VAV2: variants seen among roughly 807,000 people sequenced by gnomAD.
The protein encoded by VAV2 is vav guanine nucleotide exchange factor 2, also known as guanine nucleotide exchange factor VAV2.
A neutral mutation model predicts 132.5 loss-of-function variants in VAV2; 67 were observed. The observed-to-expected ratio is 0.51, with a 90% CI of 0.42 to 0.62. The LOEUF is 0.62. Among genes scored for constraint, VAV2 ranks in the 20% least tolerant of loss-of-function variants. The pLI is 0.00. For missense variants in VAV2, 938 were observed against 1,153.6 expected, an observed-to-expected ratio of 0.81 and a Z score of 2.71; for synonymous variants, 492 against 443.5, an observed-to-expected ratio of 1.11 and a Z score of -1.37.
chr9:133,887,899 C>A (rs774678076), intron 2 of VAV2, among the ~76,000 whole-genome samples: 1 of 152,152 alleles, frequency 6.6e-6, no homozygotes, highest in Admixed American at 6.5e-5. Flanking sequence ...AAAGACGAGG[C>A]GCATTCACAG....
Position 133,857,482 on chromosome 9 carries a change from G to A in VAV2, c.380+3892C>T, listed in dbSNP as rs899414425. Among the ~76,000 whole-genome samples, 6 of 152,220 alleles carry A rather than the reference G, an allele frequency of 3.9e-5. No individual in the cohort carries two copies. The highest frequency in any genetic ancestry group is 2.1e-4 in the South Asian group (1 of 4,826). The stretch of plus-strand genomic sequence containing the variant: ...TGAAAATGATTTTTTGAAGGAGCAC[G>A]TTGGGCTCCTACCCAGCCATGAAAT... On this transcript the variant is annotated intron_variant, in intron 3 of 29. Transcript: ENST00000371850. This position sits in a 1 kb window ranked among gnomAD's most constrained non-coding sequence, Gnocchi z 4.0.
chr9:133,846,433 T>C (rs1836938075), intron 3 of VAV2, among the ~76,000 whole-genome samples: 1 of 152,178 alleles, frequency 6.6e-6, no homozygotes, highest in Non-Finnish European at 1.5e-5. Flanking sequence ...GCCTCCACTC[T>C]GGAGCCCCTT....
At chr9:133,904,115 G>A (rs536423384) in intron 2 of VAV2, among the ~76,000 whole-genome samples, 70 of 152,272 alleles carry the variant, frequency 4.6e-4, no homozygotes, top group African/African-American at 1.6e-3. Flanking sequence ...GGTAAATTCT[G>A]TGCCCCAAAT....
In VAV2 at chr9:133,942,765, G is replaced by A. The variant is rs565162432; in HGVS notation, c.205-3546C>T. Among the ~76,000 whole-genome samples, 50 of 152,132 alleles carry A rather than the reference G, an allele frequency of 3.3e-4. No homozygotes were observed. The South Asian group carries it at 3.3e-3, about 10-fold the overall frequency. On this transcript the variant is annotated intron_variant, in intron 1 of 29. Coordinates refer to ENST00000371850, the MANE Select transcript of VAV2 (RefSeq NM_001134398.2). The stretch of plus-strand genomic sequence containing the variant: ...TGCTGTGCCTGGCCCGGCCCCACCC[G>A]TGGCCACTCTGGCCACCCTAACCTT...
At chr9:133,796,622 G>A (rs925304159) in intron 10 of VAV2, 98 bp from the exon 11 acceptor site, 54 of 1,112,832 alleles carry the variant, frequency 4.9e-5, no homozygotes, top group Non-Finnish European at 6.4e-5. Flanking sequence ...CCTAAGCCCA[G>A]AACTCAGGCC....
chr9:133,821,118 C>T (rs1004825374), intron 4 of VAV2, among the ~76,000 whole-genome samples: 2 of 152,244 alleles, frequency 1.3e-5, no homozygotes, highest in Non-Finnish European at 2.9e-5. Context: ...TCTCCTGTGG[C>T]TCTGTGGCAG....
At position 133,834,129 on chromosome 9, in the gene VAV2, T is replaced by C. The variant is rs898728734; in HGVS notation, c.449+143A>G. The C allele has an allele frequency of 9.0e-6, 8 of 890,478 alleles. No individual in the cohort carries two copies. In the Middle Eastern group the frequency reaches 8.9e-4, roughly 99 times the overall value. 55.2% of individuals were successfully genotyped at this position (890,478 alleles called of 1,614,324 possible). On this transcript the variant is annotated intron_variant, in intron 4 of 29. Coordinates refer to ENST00000371850, the MANE Select transcript of VAV2 (RefSeq NM_001134398.2). This position sits in a 1 kb window ranked among gnomAD's most constrained non-coding sequence, Gnocchi z 5.9. ...CGGAAGCCCACACCATGACCCATCA[T>C]GAGGAGATGCCCCGGTGGGAAGGGC...
At chr9:133,901,179 T>C (rs996773145) in intron 2 of VAV2, among the ~76,000 whole-genome samples, 2 of 152,168 alleles carry the variant, frequency 1.3e-5, no homozygotes, top group Non-Finnish European at 2.9e-5. Flanking sequence ...TTGAAAACCA[T>C]GGCCCAGTTT....
intron 2 of VAV2, among the ~76,000 whole-genome samples, chr9:133,897,430 G>A (rs569330237): frequency 4.6e-5 from 7 of 152,236 alleles, no homozygotes; most frequent in African/African-American, 1.4e-4. Context: ...CATCCCTCAA[G>A]ACATCTTCCA....
rs867319456 is a variant in VAV2, at chr9:133,941,616, G to C, written c.205-2397C>G. Among the ~76,000 whole-genome samples the C allele has an allele frequency of 6.7e-3, 1,002 of 149,494 alleles. 29 individuals are homozygous for C. Among genetic ancestry groups the C allele is most frequent in the African/African-American group, 0.022 (912 of 40,648 alleles). Reference sequence around the variant, plus strand: ...GTGAGTCCACTTTTTTTTGGGGGGGGGGGGGGACGGAATTTCGCCCTTGTT... The same window carrying C: ...GTGAGTCCACTTTTTTTTGGGGGGGCGGGGGGACGGAATTTCGCCCTTGTT... On this transcript the variant is annotated intron_variant, in intron 1 of 29. Transcript: ENST00000371850.
chr9:133,798,632 CCCA>C (rs1193222934), intron 9 of VAV2, among the ~76,000 whole-genome samples: 1 of 152,182 alleles, frequency 6.6e-6, no homozygotes, highest in East Asian at 1.9e-4. Context: ...ACCCCATAAC[CCCA>C]CCGACAGGGC....
chr9:133,861,506 G>A, intron 2 of VAV2, 74 bp from the exon 3 acceptor site: 1 of 1,546,144 alleles, frequency 6.5e-7, no homozygotes, highest in Admixed American at 1.8e-5. Context: ...TGGGGACGCT[G>A]CTTTGCAGGA....
intron 7 of VAV2, among the ~76,000 whole-genome samples, chr9:133,808,552 C>G (rs1835240896): frequency 6.6e-6 from 1 of 152,178 alleles, no homozygotes; most frequent in South Asian, 2.1e-4. Context: ...CTCAGATGCA[C>G]AAGAGTGGAA....
At chr9:133,938,587 C>T (rs1046894440) in intron 2 of VAV2, among the ~76,000 whole-genome samples, 1 of 152,100 alleles carries the variant, frequency 6.6e-6, no homozygotes, top group South Asian at 2.1e-4. Flanking sequence ...GAGAATACCC[C>T]CTCTTTGCCC....
At chr9:133,866,352 T>C (rs1837799123) in intron 2 of VAV2, among the ~76,000 whole-genome samples, 1 of 152,216 alleles carries the variant, frequency 6.6e-6, no homozygotes, top group South Asian at 2.1e-4. Flanking sequence ...CCACTGTGTT[T>C]TGTAGAAATC....
chr9:133,791,869 C>T lies in VAV2; in HGVS notation c.1102G>A (p.Asp368Asn). The change falls in exon 13 of 30, where the codon GAC (aspartate) becomes AAC (asparagine). Residue 368 changes from aspartate (D) to asparagine (N), a missense_variant and splice_region_variant. Transcript: ENST00000371850. ...QLKEALEAMQ[D>N]LAMYINEVKR... is the part of the protein sequence containing the mutation. ...ACTTCATTGATGTACATCGCCAAGT[C>T]CTTGAAAACAAGAGGCAGAGGTGAG... 6.3e-7 allele frequency: 1 copy of T among 1,587,210 alleles called. No individual in the cohort carries two copies. The highest frequency in any genetic ancestry group is 8.6e-7 in the Non-Finnish European group (1 of 1,168,654).
At position 133,788,192 on chromosome 9, in the gene VAV2, C is replaced by G. The variant is rs113643220; in HGVS notation, c.1407+162G>C. Among the ~76,000 whole-genome samples, 1,226 of 152,302 alleles carry G rather than the reference C, an allele frequency of 8.0e-3. 13 individuals carry two copies. Among genetic ancestry groups the G allele is most frequent in the African/African-American group, 0.028 (1,145 of 41,558 alleles). On this transcript the variant is annotated intron_variant, in intron 15 of 29. Transcript: ENST00000371850. The surrounding 1 kb of genome is among the most constrained non-coding windows in gnomAD (Gnocchi z 5.3). ...TGGTCACGACGGCGAGGCAGTGACT[C>G]AGAGAGGAGCCTTCCTGCAGAGCGG...
At chr9:133,954,171 G>GA (rs1018299479) in intron 1 of VAV2, among the ~76,000 whole-genome samples, 2 of 152,202 alleles carry the variant, frequency 1.3e-5, no homozygotes, top group African/African-American at 4.8e-5. Flanking sequence ...ATTTCGAGAA[G>GA]AAAGAGTCAA....
At chr9:133,862,631 C>T (rs1837643552) in intron 2 of VAV2, among the ~76,000 whole-genome samples, 1 of 152,202 alleles carries the variant, frequency 6.6e-6, no homozygotes, top group Non-Finnish European at 1.5e-5. Flanking sequence ...CCACGACGGC[C>T]ACGTGCCGAA....
Sources: allele counts gnomAD v4.1 joint callset (sites outside exome capture counted in the v4.1 genomes callset), GRCh38; gene constraint gnomAD v4.1.1; non-coding constraint Gnocchi (gnomAD v3.1); transcripts MANE v1.5; gene names NCBI Gene and HGNC (gene_info 2026-07-23, HGNC 2026-07-21).